Variants in CHRM3 observed in about 807,000 individuals in gnomAD.
CHRM3 encodes muscarinic acetylcholine receptor M3.
CHRM3 carries 11 observed loss-of-function variants against 41.8 expected under a neutral mutation model. The observed-to-expected ratio is 0.26, with a 90% CI of 0.17 to 0.44. The LOEUF is 0.44. Among genes scored for constraint, CHRM3 ranks in the 20% least tolerant of loss-of-function variants. The pLI, the probability that CHRM3 is intolerant of heterozygous loss-of-function variation, is 1.00. For missense variants in CHRM3, 571 were observed against 745.4 expected (o/e 0.77, Z 2.72); for synonymous variants, 297 against 301.4 (o/e 0.99, Z 0.15).
intron 5 of CHRM3, among the ~76,000 whole-genome samples, chr1:239,758,517 T>C (rs1327458067): frequency 6.6e-6 from 1 of 152,208 alleles, no homozygotes; most frequent in Non-Finnish European, 1.5e-5. Flanking sequence ...TATGAAGATA[T>C]TAATAGCATA....
intron 4 of CHRM3, among the ~76,000 whole-genome samples, chr1:239,656,662 TA>T (rs1672750671): frequency 6.6e-6 from 1 of 151,832 alleles, no homozygotes. Context: ...TAAAATACAA[TA>T]AAAAATAAAA....
chr1:239,666,321 AATAGCTGGGACTACGG>A (rs765365047), intron 4 of CHRM3, among the ~76,000 whole-genome samples: 2 of 151,266 alleles, frequency 1.3e-5, no homozygotes, highest in Non-Finnish European at 2.9e-5. Context: ...CAGCCTCCTG[AATAGCTGGGACTACGG>A]GTGCCTGCCA....
At chr1:239,693,069 A>G (rs1417481097) in intron 5 of CHRM3, among the ~76,000 whole-genome samples, 1 of 152,196 alleles carries the variant, frequency 6.6e-6, no homozygotes, top group East Asian at 1.9e-4. Flanking sequence ...CTCTGTGTTC[A>G]TGCACGCCTG....
At chr1:239,466,006 T>C (rs1665701960) in intron 1 of CHRM3, among the ~76,000 whole-genome samples, 1 of 152,146 alleles carries the variant, frequency 6.6e-6, no homozygotes, top group South Asian at 2.1e-4. Flanking sequence ...TATTTATTTT[T>C]TTCCTGAGAC....
At chr1:239,552,682 G>A (rs1659989728) in intron 3 of CHRM3, among the ~76,000 whole-genome samples, 1 of 148,150 alleles carries the variant, frequency 6.7e-6, no homozygotes, top group African/African-American at 2.5e-5. Flanking sequence ...GTAGAGACGG[G>A]GTTTCACTTA....
chr1:239,678,553 T>C (rs749550482), intron 5 of CHRM3, among the ~76,000 whole-genome samples: 7 of 152,204 alleles, frequency 4.6e-5, no homozygotes, highest in Non-Finnish European at 4.4e-5. Context: ...TACACTTATA[T>C]GGTTCTGAAA....
At chr1:239,662,893 C>CTCTTCTTCTTCTTCTTCTTCTTCTTCT (rs67465048) in intron 4 of CHRM3, among the ~76,000 whole-genome samples, 1,517 of 46,380 alleles carry the variant, frequency 0.033, 57 homozygotes, top group African/African-American at 0.039. Context: ...CTTCCTCCTC[C>CTCTTCTTCTTCTTCTTCTTCTTCTTCT]TCTTCTTCTT....
chr1:239,777,765 A>AAAAGG (rs1668209976), intron 5 of CHRM3, among the ~76,000 whole-genome samples: 1 of 152,214 alleles, frequency 6.6e-6, no homozygotes, highest in African/African-American at 2.4e-5. Flanking sequence ...GAGAGTTGTG[A>AAAAGG]AAAGGTTTAA....
intron 5 of CHRM3, among the ~76,000 whole-genome samples, chr1:239,744,675 A>G (rs966355595): frequency 2.9e-4 from 44 of 152,250 alleles, no homozygotes; most frequent in African/African-American, 9.6e-4. Context: ...AGAGATTTTC[A>G]TTTTACGTGC....
At chr1:239,508,585 T>C (rs1466718756) in intron 2 of CHRM3, among the ~76,000 whole-genome samples, 1 of 152,334 alleles carries the variant, frequency 6.6e-6, no homozygotes, top group African/African-American at 2.4e-5. Context: ...CTTCTACACT[T>C]ATTATTCTAC....
intron 5 of CHRM3, among the ~76,000 whole-genome samples, chr1:239,746,433 C>A (rs1470087589): frequency 6.6e-6 from 1 of 152,142 alleles, no homozygotes; most frequent in East Asian, 1.9e-4. Context: ...ATCAAATATT[C>A]TCCAAAGTGA....
intron 1 of CHRM3, among the ~76,000 whole-genome samples, chr1:239,424,615 C>G (rs971570610): frequency 1.1e-4 from 17 of 152,160 alleles, no homozygotes; most frequent in African/African-American, 4.1e-4. Flanking sequence ...CTGATAAATT[C>G]TACAAAAGAG....
At chr1:239,859,558 G>T (rs1205471704) in intron 6 of CHRM3, among the ~76,000 whole-genome samples, 1 of 151,212 alleles carries the variant, frequency 6.6e-6, no homozygotes, top group East Asian at 2.0e-4. Flanking sequence ...GGGATTACAG[G>T]CATGCACTAC....
chr1:239,480,219 A>G (rs927170360), intron 1 of CHRM3, among the ~76,000 whole-genome samples: 3 of 152,240 alleles, frequency 2.0e-5, no homozygotes, highest in African/African-American at 7.2e-5. Context: ...AAAGTGATTT[A>G]TGCTGAAAGA....
At chr1:239,604,721 CT>C (rs1256028463) in intron 3 of CHRM3, among the ~76,000 whole-genome samples, 1 of 152,144 alleles carries the variant, frequency 6.6e-6, no homozygotes, top group Non-Finnish European at 1.5e-5. Flanking sequence ...AACCTGAGAA[CT>C]TTTAGATATT....
chr1:239,622,355 A>G (rs1668472734), intron 3 of CHRM3, among the ~76,000 whole-genome samples: 1 of 152,166 alleles, frequency 6.6e-6, no homozygotes, highest in Non-Finnish European at 1.5e-5. Flanking sequence ...ACATTTCATA[A>G]AGCTATAGCT....
At position 239,909,866 on chromosome 1, in the gene CHRM3, G is replaced by A. The variant is rs984485684; in HGVS notation, c.*642G>A. The A allele has an allele frequency of 6.0e-6, 1 of 167,114 alleles. No homozygotes were observed. 10.4% of individuals were successfully genotyped at this position (167,114 alleles called of 1,614,324 possible). ...ATATATATATGTGTGAGTTCTGCACGCACACACATAGTGTATATAATATCA... is the reference window on the plus strand; with the variant it reads ...ATATATATATGTGTGAGTTCTGCACACACACACATAGTGTATATAATATCA... On this transcript the variant is annotated 3_prime_UTR_variant, in exon 7 of 7. Transcript: ENST00000676153.
At chr1:239,680,613 G>A (rs1474217627) in intron 5 of CHRM3, among the ~76,000 whole-genome samples, 4 of 152,088 alleles carry the variant, frequency 2.6e-5, no homozygotes, top group African/African-American at 7.2e-5. Flanking sequence ...CTACCAAAGT[G>A]TGTTAAATGT....
chr1:239,639,998 C>CTT (rs1030914120), intron 4 of CHRM3, among the ~76,000 whole-genome samples: 1 of 151,812 alleles, frequency 6.6e-6, no homozygotes, highest in African/African-American at 2.4e-5. Flanking sequence ...TGTCAAAGGC[C>CTT]TTTTCTGCAT....
Sources: allele counts gnomAD v4.1 joint callset (sites outside exome capture counted in the v4.1 genomes callset), GRCh38; gene constraint gnomAD v4.1.1; transcripts MANE v1.5; gene names NCBI Gene and HGNC (gene_info 2026-07-23, HGNC 2026-07-21).